AP1S3: variants seen among roughly 807,000 people sequenced by gnomAD.
AP1S3 encodes the protein adaptor related protein complex 1 subunit sigma 3, also known as AP-1 complex subunit sigma-3.
In AP1S3, 10 loss-of-function variants were observed where a neutral mutation model predicts 20.9. The observed-to-expected ratio is 0.48, with a 90% CI of 0.29 to 0.81. AP1S3 has a LOEUF of 0.81. Among genes scored for constraint, AP1S3 ranks in the 30% least tolerant of loss-of-function variants. The pLI is 0.08. For synonymous variants in AP1S3, 41 were observed against 61.5 expected (o/e 0.67, Z 1.56); for missense variants, 154 against 183.8 (o/e 0.84, Z 0.94).
chr2:223,784,668 A>G (rs1379920572), intron 1 of AP1S3, among the ~76,000 whole-genome samples: 1 of 152,116 alleles, frequency 6.6e-6, no homozygotes, highest in Non-Finnish European at 1.5e-5. Context: ...GAGTCCTATA[A>G]GTGCCCATAT....
chr2:223,807,522 T>C (rs1368456509), intron 1 of AP1S3, among the ~76,000 whole-genome samples: 1 of 152,186 alleles, frequency 6.6e-6, no homozygotes, highest in East Asian at 1.9e-4. Flanking sequence ...AATCTCATGT[T>C]CAACTGAAAT....
chr2:223,829,138 C>T (rs1196639064), intron 1 of AP1S3, among the ~76,000 whole-genome samples: 1 of 152,158 alleles, frequency 6.6e-6, no homozygotes, highest in Non-Finnish European at 1.5e-5. Context: ...CCAGCCAGGA[C>T]CCTGCATTTT....
chr2:223,808,785 C>T (rs567812496), intron 1 of AP1S3, among the ~76,000 whole-genome samples: 54 of 152,272 alleles, frequency 3.5e-4, no homozygotes, highest in Admixed American at 1.8e-3. Context: ...GCAGGTGGAT[C>T]GCTTGAGCCC....
At chr2:223,770,630 A>T (rs950304951) in intron 3 of AP1S3, among the ~76,000 whole-genome samples, 1 of 152,008 alleles carries the variant, frequency 6.6e-6, no homozygotes, top group African/African-American at 2.4e-5. Flanking sequence ...ACTATTTCAC[A>T]TACAGCAACA....
chr2:223,811,436 G>T (rs146847152), intron 1 of AP1S3, among the ~76,000 whole-genome samples: 1 of 151,732 alleles, frequency 6.6e-6, no homozygotes, highest in Non-Finnish European at 1.5e-5. Context: ...GGGTGTGGTG[G>T]TGAGCACCTG....
At chr2:223,826,906 T>C (rs749228423) in intron 1 of AP1S3, among the ~76,000 whole-genome samples, 4 of 152,182 alleles carry the variant, frequency 2.6e-5, no homozygotes, top group Non-Finnish European at 5.9e-5. Flanking sequence ...GACCACTTAA[T>C]GGTTATTAAG....
chr2:223,765,622 G>T (rs1332324311), intron 3 of AP1S3, among the ~76,000 whole-genome samples: 1 of 152,116 alleles, frequency 6.6e-6, no homozygotes, highest in Non-Finnish European at 1.5e-5. Context: ...GAGGCCACTC[G>T]GCTCCTCTTC....
chr2:223,828,713 G>A (rs1574733346), intron 1 of AP1S3, among the ~76,000 whole-genome samples: 2 of 152,164 alleles, frequency 1.3e-5, no homozygotes, highest in South Asian at 4.1e-4. Context: ...ACCCATGGCT[G>A]GTTTCTGTGG....
rs140773132 is a variant in AP1S3, at chr2:223,761,487, C to T, written c.430-2737G>A. Among the ~76,000 whole-genome samples, 326 of 151,932 alleles carry T rather than the reference C, an allele frequency of 2.1e-3. 1 individual carries two copies. The highest frequency in any genetic ancestry group is 7.3e-3 in the African/African-American group (304 of 41,466). ...TCACCCAGGCTGAAGTGCAGTGGTG[C>T]GATTACCGCTCACTGCAGCCTTGAC... On this transcript the variant is annotated intron_variant, in intron 4 of 4. Coordinates refer to ENST00000396654, the MANE Select transcript of AP1S3 (RefSeq NM_001039569.2).
At chr2:223,794,360 AC>A (rs929856187) in intron 1 of AP1S3, among the ~76,000 whole-genome samples, 20 of 152,204 alleles carry the variant, frequency 1.3e-4, no homozygotes, top group Admixed American at 7.9e-4. Flanking sequence ...GTCAAAAAAA[AC>A]AATAAAATAT....
chr2:223,835,830 C>G (rs1692382322), intron 1 of AP1S3, among the ~76,000 whole-genome samples: 1 of 152,128 alleles, frequency 6.6e-6, no homozygotes, highest in African/African-American at 2.4e-5. Flanking sequence ...CAAACCTTGG[C>G]CCATTCCTCA....
chr2:223,794,209 C>A (rs139735650), intron 1 of AP1S3, among the ~76,000 whole-genome samples: 1 of 151,996 alleles, frequency 6.6e-6, no homozygotes, highest in East Asian at 1.9e-4. Context: ...TAGCAACTAG[C>A]CCTCTATTAA....
chr2:223,770,175 G>A, intron 3 of AP1S3: 2 of 1,549,298 alleles, frequency 1.3e-6, no homozygotes, highest in South Asian at 1.2e-5. Flanking sequence ...CATGAAAGAA[G>A]GTATGAGAAG....
chr2:223,819,941 AAT>A (rs1488696638), intron 1 of AP1S3, among the ~76,000 whole-genome samples: 2 of 150,830 alleles, frequency 1.3e-5, no homozygotes, highest in Non-Finnish European at 1.5e-5. Context: ...TAAAAAAAAA[AAT>A]CTTAATGTAA....
chr2:223,799,045 T>A (rs1691410355), intron 1 of AP1S3, among the ~76,000 whole-genome samples: 1 of 152,122 alleles, frequency 6.6e-6, no homozygotes, highest in African/African-American at 2.4e-5. Flanking sequence ...CACTCCAGCC[T>A]GGGCAACAAG....
At chr2:223,779,589 A>C (rs766198923) in intron 1 of AP1S3, among the ~76,000 whole-genome samples, 9 of 152,194 alleles carry the variant, frequency 5.9e-5, no homozygotes, top group Non-Finnish European at 1.3e-4. Context: ...AATAAAGTGC[A>C]TTGTTTCAGT....
intron 1 of AP1S3, among the ~76,000 whole-genome samples, chr2:223,805,167 C>T (rs1019125020): frequency 2.0e-5 from 3 of 152,072 alleles, no homozygotes; most frequent in Admixed American, 1.3e-4. Flanking sequence ...GGCCAGATGC[C>T]GAGGCTCACG....
intron 1 of AP1S3, among the ~76,000 whole-genome samples, chr2:223,782,050 C>A (rs993071300): frequency 2.0e-5 from 3 of 150,186 alleles, no homozygotes; most frequent in Non-Finnish European, 4.4e-5. Context: ...CTCACTCTGC[C>A]ACCCAGGCTG....
intron 1 of AP1S3, among the ~76,000 whole-genome samples, chr2:223,783,603 C>T (rs1252061893): frequency 6.6e-6 from 1 of 152,242 alleles, no homozygotes; most frequent in Non-Finnish European, 1.5e-5. Context: ...AGTCTGCGCC[C>T]TGGCCGGTGT....
Sources: gnomAD v4.1 joint callset for allele counts (sites outside exome capture counted in the v4.1 genomes callset) on GRCh38, gnomAD v4.1.1 for gene constraint, MANE v1.5 for transcripts, NCBI Gene and HGNC (gene_info 2026-07-23, HGNC 2026-07-21) for gene names.